GPBP1L1: variants seen among roughly 807,000 people sequenced by gnomAD.
The protein encoded by GPBP1L1 is GC-rich promoter binding protein 1 like 1.
GPBP1L1 carries 23 observed loss-of-function variants against 52.5 expected under a neutral mutation model. The ratio of observed to expected loss-of-function variants is 0.44; its 90% confidence interval spans 0.32 to 0.62. GPBP1L1 has a LOEUF of 0.62. GPBP1L1 is among the 20% of genes least tolerant of loss of function. The probability of loss-of-function intolerance (pLI) is 0.06; values close to 1 mark genes in which losing one functional copy is unlikely to be tolerated. For missense variants in GPBP1L1, 596 were observed against 579.3 expected, an observed-to-expected ratio of 1.03 and a Z score of -0.30; for synonymous variants, 243 against 203.1, an observed-to-expected ratio of 1.20 and a Z score of -1.67.
intron 2 of GPBP1L1, among the ~76,000 whole-genome samples, chr1:45,681,866 T>C (rs1431228206): frequency 6.6e-6 from 1 of 152,200 alleles, no homozygotes; most frequent in Non-Finnish European, 1.5e-5. Context: ...TACCATACTA[T>C]GCCATTTCTC....
intron 2 of GPBP1L1, among the ~76,000 whole-genome samples, chr1:45,663,871 T>G (rs1021276384): frequency 6.6e-6 from 1 of 152,204 alleles, no homozygotes; most frequent in Non-Finnish European, 1.5e-5. Flanking sequence ...GTGGCTATTT[T>G]TACAGAACGG....
At chr1:45,686,924 A>C (rs943396497), upstream of GPBP1L1, 12 of 152,544 alleles carry the variant, frequency 7.9e-5, no homozygotes, top group East Asian at 1.3e-3. Context: ...GTGGGTATGC[A>C]TGTGTGTATC....
intron 2 of GPBP1L1, among the ~76,000 whole-genome samples, chr1:45,673,754 C>T (rs1359585157): frequency 1.3e-5 from 2 of 152,062 alleles, no homozygotes; most frequent in South Asian, 2.1e-4. Context: ...CCCAGCTAGT[C>T]GGGAGGTTGA....
chr1:45,649,378 G>A (rs1230828373), intron 6 of GPBP1L1, among the ~76,000 whole-genome samples: 1 of 151,854 alleles, frequency 6.6e-6, no homozygotes, highest in Non-Finnish European at 1.5e-5. Flanking sequence ...AAATGGTTTT[G>A]CCTCACCCAG....
chr1:45,664,541 G>A (rs1479514582), intron 2 of GPBP1L1, among the ~76,000 whole-genome samples: 1 of 152,082 alleles, frequency 6.6e-6, no homozygotes, highest in African/African-American at 2.4e-5. Flanking sequence ...CTCCAGCTTG[G>A]GTGACAGAGC....
upstream of GPBP1L1, chr1:45,687,087 G>T (rs3014230): frequency 6.6e-6 from 1 of 152,272 alleles, no homozygotes; most frequent in African/African-American, 2.4e-5. Context: ...GCGTCGTTGA[G>T]ACTCCAGTCC....
intron 2 of GPBP1L1, among the ~76,000 whole-genome samples, chr1:45,664,071 G>A (rs1430001188): frequency 1.4e-4 from 22 of 152,214 alleles, no homozygotes; most frequent in Non-Finnish European, 2.2e-4. Context: ...GGTGGCTCAC[G>A]CCTGTAATCC....
intron 10 of GPBP1L1, 89 bp downstream of exon 10, chr1:45,633,400 G>T: frequency 1.5e-6 from 2 of 1,360,654 alleles, no homozygotes; most frequent in Non-Finnish European, 2.1e-6. Context: ...TAAAAATCTT[G>T]CCACATCTTT....
intron 4 of GPBP1L1, among the ~76,000 whole-genome samples, chr1:45,656,652 A>G (rs1462900963): frequency 6.6e-6 from 1 of 151,856 alleles, no homozygotes; most frequent in African/African-American, 2.4e-5. Context: ...AAAAATCAAC[A>G]AAATACATAC....
At chr1:45,687,062 T>G (rs976676863), upstream of GPBP1L1, 1 of 152,284 alleles carries the variant, frequency 6.6e-6, no homozygotes, top group African/African-American at 2.4e-5. Flanking sequence ...CTTCCGCTCC[T>G]TACTTCTCGT....
intron 2 of GPBP1L1, among the ~76,000 whole-genome samples, chr1:45,665,972 A>G (rs1335505780): frequency 6.6e-6 from 1 of 151,974 alleles, no homozygotes; most frequent in African/African-American, 2.4e-5. Flanking sequence ...CCTGCTCAAA[A>G]AGTTCTGATT....
chr1:45,673,530 G>A (rs1361768583), intron 2 of GPBP1L1, among the ~76,000 whole-genome samples: 1 of 152,182 alleles, frequency 6.6e-6, no homozygotes, highest in African/African-American at 2.4e-5. Flanking sequence ...CACCCATGAA[G>A]CTGACTGTGG....
intron 8 of GPBP1L1, among the ~76,000 whole-genome samples, chr1:45,636,121 A>C (rs544193470): frequency 1.6e-4 from 24 of 152,126 alleles, no homozygotes; most frequent in Non-Finnish European, 3.1e-4. Flanking sequence ...CAAAACTTTC[A>C]TCCTTATATT....
At chr1:45,658,150 T>G (rs1644906221) in intron 4 of GPBP1L1, among the ~76,000 whole-genome samples, 2 of 152,218 alleles carry the variant, frequency 1.3e-5, no homozygotes, top group Non-Finnish European at 2.9e-5. Flanking sequence ...TGTTTACCCT[T>G]AATACAACAC....
rs547906124 is a variant in GPBP1L1 at position 45,634,380 on chromosome 1, C to T, written c.745-144G>A. On this transcript the variant is annotated intron_variant, in intron 8 of 12. Coordinates refer to ENST00000355105, the MANE Select transcript of GPBP1L1 (RefSeq NM_021639.5). ...TGTCTTAACATGTTTGGGAAGTATG[C>T]AACCTCTTTCGGAGGTTAGGCACTT... 5 of 753,668 alleles carry T rather than the reference C, an allele frequency of 6.6e-6. No individual in the cohort carries two copies. The African/African-American group carries it at 8.7e-5, about 13-fold the overall frequency. The allele number at this position is 753,668 out of a possible 1,614,324, so 46.7% of individuals were successfully genotyped here.
Position 45,633,613 on chromosome 1 carries a change from C to T in GPBP1L1, c.920G>A (p.Ser307Asn). The T allele has an allele frequency of 6.2e-7, 1 of 1,613,974 alleles. No homozygotes were observed. Among genetic ancestry groups the T allele is most frequent in the Non-Finnish European group, 8.5e-7 (1 of 1,179,984 alleles). The change falls in exon 10 of 13, where the codon AGC (serine) becomes AAC (asparagine). Residue 307 changes from serine (S) to asparagine (N), a missense_variant. Transcript: ENST00000355105. ...GGTCAACTTGGTCAGACGAGAGGAG[C>T]TGATCTCAATTGGAGGGGTGGTGCT... ...PSSTTPPIEISSSRLTKLTRR... is the reference protein window; with the variant it reads ...PSSTTPPIEINSSRLTKLTRR...
intron 2 of GPBP1L1, among the ~76,000 whole-genome samples, chr1:45,682,918 T>C (rs907071191): frequency 2.6e-5 from 4 of 152,200 alleles, no homozygotes; most frequent in African/African-American, 7.2e-5. Context: ...TAGAAGTAAC[T>C]TGGGCAATTA....
rs535404104 is a variant in GPBP1L1, at chr1:45,676,769, C to T, written c.-1098+8807G>A. ...TGGCACATGCCTGTAGTCCCAGCTA[C>T]TTGGGAAGCTGAAGTGGGAGGATCC... is the stretch of plus-strand genomic sequence containing the variant. On this transcript the variant is annotated intron_variant, in intron 2 of 12. Coordinates refer to ENST00000355105, the MANE Select transcript of GPBP1L1 (RefSeq NM_021639.5). 2.0e-5 allele frequency among the ~76,000 whole-genome samples: 3 copies of T among 150,196 alleles called. No individual in the cohort carries two copies. The South Asian group carries it at 6.4e-4, about 32-fold the overall frequency.
rs764152729 is a variant in GPBP1L1 at position 45,655,250 on chromosome 1, G to A, written c.130C>T (p.Arg44Cys). 4.3e-6 allele frequency: 7 copies of A among 1,613,952 alleles called. No individual in the cohort carries two copies. Among genetic ancestry groups the A allele is most frequent in the African/African-American group, 1.3e-5 (1 of 74,894 alleles). ...PRGEGRFGVS[R>C]RRHNSSDGFF... The stretch of plus-strand genomic sequence containing the variant: ...CCATCAGAGGAATTATGTCGACGGC[G>A]GCTTACTCCAAATCTACCTTCTCCT... Residue 44 changes from arginine (R) to cysteine (C), a missense_variant, in exon 5 of 13, where the codon CGC (arginine) becomes TGC (cysteine). Transcript: ENST00000355105.
Sources: allele counts gnomAD v4.1 joint callset (sites outside exome capture counted in the v4.1 genomes callset), GRCh38; gene constraint gnomAD v4.1.1; transcripts MANE v1.5; gene names NCBI Gene and HGNC (gene_info 2026-07-23, HGNC 2026-07-21).